Variants in CASP6 observed in about 807,000 individuals in gnomAD.
The protein encoded by CASP6 is caspase-6.
Under a neutral mutation model 31.8 loss-of-function variants are expected in CASP6, and 20 were observed. The observed-to-expected ratio is 0.63, with a 90% confidence interval of 0.44 to 0.91. CASP6 has a LOEUF of 0.91. Among genes scored for constraint, CASP6 ranks in the 40% least tolerant of loss-of-function variants. CASP6 has a pLI of 0.00. For missense variants in CASP6, 328 were observed against 361.1 expected, an observed-to-expected ratio of 0.91 and a Z score of 0.74; for synonymous variants, 130 against 127.8, an observed-to-expected ratio of 1.02 and a Z score of -0.12.
upstream of CASP6, among the ~76,000 whole-genome samples, chr4:109,707,845 T>G (rs1730651260): frequency 6.6e-6 from 1 of 152,120 alleles, no homozygotes; most frequent in African/African-American, 2.4e-5. Flanking sequence ...GCCAACAAGG[T>G]GCCATGGGGT....
At chr4:109,705,813 ATT>A (rs1255793390), upstream of CASP6, among the ~76,000 whole-genome samples, 6 of 139,136 alleles carry the variant, frequency 4.3e-5, no homozygotes, top group Admixed American at 7.3e-5. Flanking sequence ...TGTCTCTACA[ATT>A]TTTTTTTTTT....
chr4:109,674,069 C>T, the CASP6 span: 4 of 1,424,148 alleles, frequency 2.8e-6, no homozygotes, highest in Non-Finnish European at 4.0e-6. Context: ...GGAGCAATGA[C>T]TGTTGGTATG....
chr4:109,681,461 C>T, the CASP6 span: 1 of 453,760 alleles, frequency 2.2e-6, no homozygotes, highest in Non-Finnish European at 4.4e-6. Context: ...TCCTTGCTCC[C>T]AGAACTCCCA....
chr4:109,685,244 T>TC (rs761236075), downstream of CASP6: 1 of 1,166,962 alleles, frequency 8.6e-7, no homozygotes, highest in South Asian at 1.3e-5. Context: ...CTCTCTTTTT[T>TC]TTTAAGGATT....
At chr4:109,701,974 T>C (rs1730434335) in intron 1 of CASP6, among the ~76,000 whole-genome samples, 1 of 152,208 alleles carries the variant, frequency 6.6e-6, no homozygotes, top group Non-Finnish European at 1.5e-5. Context: ...GTCATTCTAC[T>C]GTCATCGTCT....
At chr4:109,697,448 G>A (rs768820361) in intron 3 of CASP6, among the ~76,000 whole-genome samples, 174 bp downstream of exon 3, 2 of 151,412 alleles carry the variant, frequency 1.3e-5, no homozygotes, top group African/African-American at 4.9e-5. Context: ...TTTATTTTTT[G>A]TAGAGACCAG....
chr4:109,702,966 C>T (rs567789039), intron 1 of CASP6: 5 of 231,720 alleles, frequency 2.2e-5, no homozygotes, highest in Non-Finnish European at 3.3e-5. Flanking sequence ...AGATCCAACC[C>T]CCAACATTTC....
chr4:109,695,425 A>G (rs1248781601), intron 4 of CASP6, among the ~76,000 whole-genome samples: 2 of 152,170 alleles, frequency 1.3e-5, no homozygotes, highest in Admixed American at 1.3e-4. Flanking sequence ...CTGCTGCTCA[A>G]CAGCTCCCCA....
the CASP6 span, among the ~76,000 whole-genome samples, chr4:109,677,468 G>A: frequency 1.7e-3 from 254 of 152,274 alleles, 2 homozygotes; most frequent in African/African-American, 5.5e-3. Context: ...TTGAGGGGCC[G>A]GGGCAGAATG....
the CASP6 span, among the ~76,000 whole-genome samples, chr4:109,708,704 T>C: frequency 6.6e-6 from 1 of 152,244 alleles, no homozygotes; most frequent in Non-Finnish European, 1.5e-5. Flanking sequence ...TCTCCATAAG[T>C]ATCTTATTAT....
chr4:109,682,275 T>C, the CASP6 span, among the ~76,000 whole-genome samples: 3 of 152,112 alleles, frequency 2.0e-5, no homozygotes, highest in Non-Finnish European at 2.9e-5. Flanking sequence ...TTATGCTCAA[T>C]TGCCTTCAGC....
At chr4:109,708,241 T>C (rs1299997932), upstream of CASP6, among the ~76,000 whole-genome samples, 1 of 152,180 alleles carries the variant, frequency 6.6e-6, no homozygotes, top group Non-Finnish European at 1.5e-5. Flanking sequence ...GCATAAAATA[T>C]TTCAGAAATC....
chr4:109,694,705 A>G lies in CASP6; in HGVS notation c.308-5T>C, dbSNP rs753880197. 7.1e-6 allele frequency: 11 copies of G among 1,539,454 alleles called. No individual in the cohort carries two copies. The highest frequency in any genetic ancestry group is 9.6e-6 in the Non-Finnish European group (11 of 1,145,324). ...CTGCGTGGCTAACAGTTGACACTAT[A>G]AAGGACCCAAAAGAGAATATAGAAA... is the stretch of plus-strand genomic sequence containing the variant. On this transcript the variant is annotated splice_region_variant and splice_polypyrimidine_tract_variant and intron_variant, in intron 4 of 6. Coordinates refer to ENST00000265164, the MANE Select transcript of CASP6 (RefSeq NM_001226.4).
intron 1 of CASP6, 44 bp from the exon 2 acceptor site, chr4:109,698,386 G>A (rs751040336): frequency 3.9e-6 from 6 of 1,542,484 alleles, no homozygotes. Flanking sequence ...TTTACTTATG[G>A]CAGTAAAATA....
the CASP6 span, among the ~76,000 whole-genome samples, chr4:109,671,462 C>T: frequency 6.6e-6 from 1 of 152,126 alleles, no homozygotes; most frequent in African/African-American, 2.4e-5. Flanking sequence ...TTTCTGTTGG[C>T]ATACCCCCAA....
the CASP6 span, among the ~76,000 whole-genome samples, chr4:109,679,595 C>T: frequency 2.0e-5 from 3 of 152,174 alleles, no homozygotes. Context: ...ACAGTCCAGC[C>T]TCGGCAAGAG....
chr4:109,696,615 A>G (rs1426812150), intron 3 of CASP6, 129 bp from the exon 4 acceptor site: 5 of 595,186 alleles, frequency 8.4e-6, no homozygotes, highest in Non-Finnish European at 1.5e-5. Flanking sequence ...AAGAAATGAA[A>G]TATAACAATG....
the CASP6 span, among the ~76,000 whole-genome samples, chr4:109,666,531 T>C: frequency 6.7e-6 from 1 of 148,358 alleles, no homozygotes; most frequent in Admixed American, 6.7e-5. Context: ...TAATTTGTAG[T>C]TTCTTAATGA....
At chr4:109,703,919 ACT>A (rs1423427995), upstream of CASP6, among the ~76,000 whole-genome samples, 7 of 151,690 alleles carry the variant, frequency 4.6e-5, no homozygotes, top group African/African-American at 1.5e-4. Context: ...ACATTTTGGT[ACT>A]CTCGCAATAT....
Sources: gnomAD v4.1 joint callset for allele counts (sites outside exome capture counted in the v4.1 genomes callset) on GRCh38, gnomAD v4.1.1 for gene constraint, MANE v1.5 for transcripts, NCBI Gene and HGNC (gene_info 2026-07-23, HGNC 2026-07-21) for gene names.